The following RANBP17 variants were observed in gnomAD, a reference collection of about 807,000 sequenced individuals.
RANBP17 encodes the protein ran-binding protein 17.
Under a neutral mutation model 141.2 loss-of-function variants are expected in RANBP17, and 158 were observed. The ratio of observed to expected loss-of-function variants is 1.12; its 90% CI spans 0.98 to 1.28. RANBP17 has a LOEUF of 1.28. Among genes scored for constraint, RANBP17 ranks in the 50% most tolerant of loss-of-function variants. The pLI, the probability that RANBP17 is intolerant of heterozygous loss-of-function variation, is 0.00. For synonymous variants in RANBP17, 430 were observed against 450.0 expected, an observed-to-expected ratio of 0.96 and a Z score of 0.56; for missense variants, 1,438 against 1,290.7, an observed-to-expected ratio of 1.11 and a Z score of -1.75.
intron 14 of RANBP17, among the ~76,000 whole-genome samples, chr5:171,105,177 T>G (rs948204698): frequency 2.0e-5 from 3 of 150,148 alleles, no homozygotes; most frequent in African/African-American, 7.4e-5. Flanking sequence ...GGTCAGGAGA[T>G]CGAGACCATC....
intron 27 of RANBP17, among the ~76,000 whole-genome samples, chr5:171,297,593 G>A (rs1397607950): frequency 1.3e-5 from 2 of 151,714 alleles, no homozygotes; most frequent in Non-Finnish European, 2.9e-5. Context: ...CTATCACGCA[G>A]AAAGGGACAA....
At chr5:171,134,267 T>C (rs1401887012) in intron 14 of RANBP17, among the ~76,000 whole-genome samples, 1 of 152,216 alleles carries the variant, frequency 6.6e-6, no homozygotes, top group Admixed American at 6.5e-5. Flanking sequence ...GGGATTTTAT[T>C]AAGTTTGCTA....
intron 14 of RANBP17, among the ~76,000 whole-genome samples, chr5:170,994,162 G>A (rs555442002): frequency 6.6e-6 from 1 of 151,968 alleles, no homozygotes; most frequent in Non-Finnish European, 1.5e-5. Context: ...CATAGAAATT[G>A]ATGACTTGCC....
intron 14 of RANBP17, among the ~76,000 whole-genome samples, chr5:171,003,601 T>G (rs572611217): frequency 2.0e-5 from 3 of 152,220 alleles, no homozygotes; most frequent in Admixed American, 2.0e-4. Flanking sequence ...GAATTAGTGT[T>G]GAAGGAGCAG....
intron 22 of RANBP17, among the ~76,000 whole-genome samples, chr5:171,225,443 G>C (rs1179398985): frequency 6.6e-6 from 1 of 152,180 alleles, no homozygotes; most frequent in African/African-American, 2.4e-5. Flanking sequence ...TTTACCTTCT[G>C]TAATGTTTTA....
At chr5:171,225,722 C>T (rs958971292) in intron 22 of RANBP17, among the ~76,000 whole-genome samples, 52 of 152,120 alleles carry the variant, frequency 3.4e-4, no homozygotes, top group Admixed American at 3.3e-3. Flanking sequence ...ATGATCAGGG[C>T]GGTGCAGAGA....
chr5:171,292,437 C>A (rs923043119), intron 25 of RANBP17, among the ~76,000 whole-genome samples: 5 of 152,160 alleles, frequency 3.3e-5, no homozygotes, highest in Admixed American at 3.3e-4. Flanking sequence ...TATTTCCCTC[C>A]TTATAGTTAA....
chr5:171,182,056 A>C (rs994555897), intron 16 of RANBP17, among the ~76,000 whole-genome samples: 2 of 152,202 alleles, frequency 1.3e-5, no homozygotes, highest in Non-Finnish European at 2.9e-5. Context: ...CCCATGCCTG[A>C]GTGACTAACA....
At chr5:170,884,296 C>G (rs2339169) in intron 3 of RANBP17, among the ~76,000 whole-genome samples, 91,464 of 151,984 alleles carry the variant, frequency 0.6, 29,229 homozygotes, top group South Asian at 0.89. Context: ...ATCAAAAAGT[C>G]ACAACTTTTG....
At chr5:171,086,421 TTC>T (rs1785659127) in intron 14 of RANBP17, among the ~76,000 whole-genome samples, 1 of 151,838 alleles carries the variant, frequency 6.6e-6, no homozygotes, top group East Asian at 1.9e-4. Context: ...TGGTCTAAAA[TTC>T]TCTTTTTGGT....
intron 14 of RANBP17, among the ~76,000 whole-genome samples, chr5:170,975,617 C>T (rs1777309863): frequency 6.6e-6 from 1 of 152,172 alleles, no homozygotes; most frequent in Non-Finnish European, 1.5e-5. Flanking sequence ...ACAAACAATT[C>T]TTCTAGGTTC....
rs538341660 is a variant in RANBP17 at position 170,978,405 on chromosome 5, A to G, written c.1710+10028A>G. The stretch of plus-strand genomic sequence containing the variant: ...AAATGCAGTGTACAAGAATATTTAT[A>G]GCAACTTTATTTATAATATCCAAGA... On this transcript the variant is annotated intron_variant, in intron 14 of 27. Transcript: ENST00000523189. Among the ~76,000 whole-genome samples the G allele has an allele frequency of 5.0e-4, 76 of 152,322 alleles. No homozygotes were observed. The South Asian group carries it at 0.012, about 24-fold the overall frequency.
chr5:171,021,307 A>C (rs966958425), intron 14 of RANBP17, among the ~76,000 whole-genome samples: 3 of 152,060 alleles, frequency 2.0e-5, no homozygotes, highest in Non-Finnish European at 4.4e-5. Flanking sequence ...CCTGAATTTG[A>C]ATATTGGCCT....
At chr5:171,162,198 A>C (rs747605018) in intron 14 of RANBP17, among the ~76,000 whole-genome samples, 5 of 152,184 alleles carry the variant, frequency 3.3e-5, no homozygotes, top group Admixed American at 6.5e-5. Flanking sequence ...TTATCCATAG[A>C]AGACTAGTTT....
intron 14 of RANBP17, among the ~76,000 whole-genome samples, chr5:171,152,007 T>C (rs1758521420): frequency 6.6e-6 from 1 of 152,038 alleles, no homozygotes; most frequent in Non-Finnish European, 1.5e-5. Flanking sequence ...ATGTGAAGAA[T>C]AGAAATTTCT....
intron 20 of RANBP17, chr5:171,207,436 G>A (rs376554273): frequency 1.3e-5 from 2 of 152,142 alleles, no homozygotes; most frequent in East Asian, 1.9e-4. Context: ...AGCTCCTTTG[G>A]GGGTAGCGGG....
intron 22 of RANBP17, among the ~76,000 whole-genome samples, chr5:171,223,912 A>G (rs183766485): frequency 6.6e-6 from 1 of 152,288 alleles, no homozygotes; most frequent in Admixed American, 6.5e-5. Flanking sequence ...CTAAAATACT[A>G]TATATACCTC....
At chr5:171,231,559 G>A (rs1284219755) in intron 22 of RANBP17, among the ~76,000 whole-genome samples, 3 of 152,196 alleles carry the variant, frequency 2.0e-5, no homozygotes, top group Non-Finnish European at 2.9e-5. Context: ...CACTCAAGAA[G>A]TGGTTGCATC....
Position 170,968,782 on chromosome 5 carries a change from A to G in RANBP17, c.1710+405A>G, listed in dbSNP as rs1469821904. On this transcript the variant is annotated intron_variant, in intron 14 of 27. Coordinates refer to ENST00000523189, the MANE Select transcript of RANBP17 (RefSeq NM_022897.5). Reference sequence around the variant, plus strand: ...TTTCTTGGCATTTGTACATGATTAAATAATGAGGACTAGGAAAATTAGATG... The same window carrying G: ...TTTCTTGGCATTTGTACATGATTAAGTAATGAGGACTAGGAAAATTAGATG... 6.6e-6 allele frequency: 3 copies of G among 451,444 alleles called. No homozygotes were observed. The East Asian group carries it at 2.1e-4, about 31-fold the overall frequency. 28.0% of individuals were successfully genotyped at this position (451,444 alleles called of 1,614,324 possible).
Sources: allele counts gnomAD v4.1 joint callset (sites outside exome capture counted in the v4.1 genomes callset), GRCh38; gene constraint gnomAD v4.1.1; transcripts MANE v1.5; gene names NCBI Gene and HGNC (gene_info 2026-07-23, HGNC 2026-07-21).